Variants in SVIL observed in about 807,000 individuals in gnomAD.
The protein encoded by SVIL is supervillin.
A neutral mutation model predicts 240.4 loss-of-function variants in SVIL; 101 were observed. The observed-to-expected ratio is 0.42, with a 90% CI of 0.36 to 0.50. The LOEUF is 0.50. SVIL is among the 20% of genes least tolerant of loss of function. SVIL has a pLI of 0.01. For synonymous variants in SVIL, 999 were observed against 1,100.0 expected (o/e 0.91, Z 1.82); for missense variants, 2,512 against 2,818.7 (o/e 0.89, Z 2.46).
intron 6 of SVIL, among the ~76,000 whole-genome samples, chr10:29,547,060 G>T (rs560777232): frequency 6.6e-6 from 1 of 152,206 alleles, no homozygotes; most frequent in East Asian, 1.9e-4. Flanking sequence ...CACCAAGGAG[G>T]TTTCTTTTGT....
chr10:29,564,364 A>C (rs961822393), intron 2 of SVIL, among the ~76,000 whole-genome samples: 29 of 151,964 alleles, frequency 1.9e-4, no homozygotes, highest in Non-Finnish European at 7.4e-5. Context: ...TGTGTACCCA[A>C]CTCCATGGTC....
chr10:29,642,929 G>A (rs1312118265), intron 3 of SVIL, among the ~76,000 whole-genome samples: 2 of 152,034 alleles, frequency 1.3e-5, no homozygotes, highest in East Asian at 3.9e-4. Context: ...CAAATGATCC[G>A]CCCACCTCAG....
chr10:29,611,957 C>A (rs978241863), intron 1 of SVIL, among the ~76,000 whole-genome samples: 1 of 152,112 alleles, frequency 6.6e-6, no homozygotes, highest in African/African-American at 2.4e-5. Flanking sequence ...TACCAAATGG[C>A]CCAGTGGGAG....
rs143246016 is a variant in SVIL at position 29,665,695 on chromosome 10, G to A, written c.-300-7627C>T. Among the ~76,000 whole-genome samples, 373 of 152,264 alleles carry A rather than the reference G, an allele frequency of 2.4e-3. 1 individual carries two copies. The highest frequency in any genetic ancestry group is 8.5e-3 in the African/African-American group (355 of 41,558). On this transcript the variant is annotated intron_variant, in intron 2 of 35. Coordinates refer to the SVIL transcript ENST00000375400. ...TGTAGTCCCAGCTACTCAGGAGGCT[G>A]AGGCAGGACAATGGTGTGAACCCAG...
chr10:29,726,083 G>A (rs969732983), intron 1 of SVIL, among the ~76,000 whole-genome samples: 1 of 151,966 alleles, frequency 6.6e-6, no homozygotes, highest in African/African-American at 2.4e-5. Context: ...CACCATGCAT[G>A]ACTAATTTTT....
upstream of SVIL, chr10:29,736,811 C>T (rs1216691522): frequency 1.3e-5 from 2 of 152,348 alleles, no homozygotes; most frequent in East Asian, 1.9e-4. Context: ...AGCTGGCTCT[C>T]GAGGAGGTGT....
rs187934950 is a variant in SVIL, at chr10:29,500,428, G to A, written c.3517-1165C>T. Among the ~76,000 whole-genome samples the A allele has an allele frequency of 2.0e-3, 297 of 152,248 alleles. 1 individual carries two copies. Among genetic ancestry groups the A allele is most frequent in the Admixed American group, 8.2e-3 (125 of 15,300 alleles). ...GTGCCCCCTCCAGAGCAGAAGGCAC[G>A]TCCCTGGCTGTCACCTGCTGGTTTC... On this transcript the variant is annotated intron_variant, in intron 17 of 37. Coordinates refer to ENST00000355867, the MANE Select transcript of SVIL (RefSeq NM_021738.3).
chr10:29,514,456 G>A (rs1055455936), intron 16 of SVIL, among the ~76,000 whole-genome samples: 7 of 152,042 alleles, frequency 4.6e-5, no homozygotes, highest in Non-Finnish European at 8.8e-5. Flanking sequence ...TGCTCAGGCT[G>A]GTTTTGAACT....
At chr10:29,574,483 A>G (rs114091844) in intron 1 of SVIL, among the ~76,000 whole-genome samples, 2,381 of 152,274 alleles carry the variant, frequency 0.016, 44 homozygotes, top group African/African-American at 0.049. Flanking sequence ...GACACCCCAC[A>G]GTGATATCAC....
chr10:29,524,850 AG>A lies in SVIL; in HGVS notation c.2343-136del. The A allele has an allele frequency of 2.2e-6, 3 of 1,388,092 alleles. No individual in the cohort carries two copies. In the South Asian group the frequency reaches 4.3e-5, roughly 20 times the overall value. The allele number at this position is 1,388,092 out of a possible 1,614,324, so 86.0% of individuals were successfully genotyped here. A position where few individuals can be genotyped will look rare whatever the true frequency, so the allele number is the denominator to read the frequency against. ...TTTTCCCTAAGCACGTCTAGGACAG[AG>A]GCAGGCAGCTGTTCAGCTACTCAAC... On this transcript the variant is annotated intron_variant, in intron 13 of 37. Transcript: ENST00000355867.
chr10:29,732,159 T>A (rs1462561805), intron 1 of SVIL, among the ~76,000 whole-genome samples: 1 of 152,186 alleles, frequency 6.6e-6, no homozygotes, highest in Non-Finnish European at 1.5e-5. Flanking sequence ...AAGCTGCATA[T>A]CATATCCAGA....
intron 1 of SVIL, among the ~76,000 whole-genome samples, chr10:29,631,511 G>A (rs1734750082): frequency 6.7e-6 from 1 of 149,092 alleles, no homozygotes; most frequent in Non-Finnish European, 1.5e-5. Flanking sequence ...GCGTGGTGGC[G>A]GACACCTGTA....
chr10:29,477,615 A>G (rs1001814462), intron 29 of SVIL, among the ~76,000 whole-genome samples: 1 of 152,226 alleles, frequency 6.6e-6, no homozygotes, highest in East Asian at 1.9e-4. Flanking sequence ...GGGGAGCCGG[A>G]CTAGTGTCAC....
intron 3 of SVIL, among the ~76,000 whole-genome samples, chr10:29,651,256 T>G (rs1958825520): frequency 6.6e-6 from 1 of 152,148 alleles, no homozygotes; most frequent in Non-Finnish European, 1.5e-5. Flanking sequence ...TTTGGGCATT[T>G]CAGCAGAGCA....
In SVIL at chr10:29,463,546, G is replaced by A. The variant is rs927632082; in HGVS notation, c.6223C>T (p.Arg2075Cys). 23 of 1,614,038 alleles carry A rather than the reference G, an allele frequency of 1.4e-5. No individual in the cohort carries two copies. The highest frequency in any genetic ancestry group is 2.7e-5 in the African/African-American group (2 of 74,920). The stretch of plus-strand genomic sequence containing the variant: ...GCACTCTTCCGGTCGGAGGCCCAGC[G>A]GATGCGGGCGGAACCAGTGATCTTG... ...ENKITGSARI[R>C]WASDRKSAME... Residue 2075 changes from arginine (R) to cysteine (C), a missense_variant, in exon 35 of 38, where the codon CGC becomes TGC. Around this residue, in one of 3 missense-constraint regions of SVIL, gnomAD observed 797 missense variants for 925.3 expected, o/e 0.86. Coordinates refer to ENST00000355867, the MANE Select transcript of SVIL (RefSeq NM_021738.3).
At chr10:29,649,977 A>G (rs1240646767) in intron 3 of SVIL, among the ~76,000 whole-genome samples, 4 of 152,150 alleles carry the variant, frequency 2.6e-5, no homozygotes, top group South Asian at 4.1e-4. Flanking sequence ...TGCTCTCACC[A>G]TGTGATGCCT....
intron 20 of SVIL, among the ~76,000 whole-genome samples, chr10:29,493,857 G>A (rs942987685): frequency 2.0e-5 from 3 of 152,158 alleles, no homozygotes; most frequent in Non-Finnish European, 4.4e-5. Flanking sequence ...AAATGGGCAT[G>A]GATATGTTTC....
At chr10:29,551,345 A>C in intron 5 of SVIL, 82 bp from the exon 6 acceptor site, 10 of 1,314,604 alleles carry the variant, frequency 7.6e-6, no homozygotes, top group Non-Finnish European at 1.0e-5. Context: ...TCTACTGCAC[A>C]CAGCACACAC....
intron 1 of SVIL, among the ~76,000 whole-genome samples, chr10:29,704,658 C>T (rs780436786): frequency 1.3e-5 from 2 of 152,152 alleles, no homozygotes; most frequent in Non-Finnish European, 2.9e-5. Context: ...GATCATTTCC[C>T]CCCGCAAATT....
Sources: allele counts gnomAD v4.1 joint callset (sites outside exome capture counted in the v4.1 genomes callset), GRCh38; gene constraint gnomAD v4.1.1; regional missense constraint gnomAD v4.1.1; transcripts MANE v1.5; gene names NCBI Gene and HGNC (gene_info 2026-07-23, HGNC 2026-07-21).